Variants in HPD observed in about 807,000 individuals in gnomAD.
The protein encoded by HPD is 4-hydroxyphenylpyruvic acid oxidase.
In HPD, 35 loss-of-function variants were observed where a neutral mutation model predicts 56.9. The ratio of observed to expected loss-of-function variants is 0.62; its 90% CI spans 0.47 to 0.82. The LOEUF (loss-of-function observed/expected upper bound fraction) is 0.82. HPD is among the 40% of genes least tolerant of loss of function. The probability of loss-of-function intolerance (pLI) is 0.00; values close to 1 mark genes in which losing one functional copy is unlikely to be tolerated. For missense variants in HPD, 442 were observed against 506.8 expected, an observed-to-expected ratio of 0.87 and a Z score of 1.23; for synonymous variants, 186 against 200.2, an observed-to-expected ratio of 0.93 and a Z score of 0.60.
chr12:121,858,289 T>C (rs1878078092), intron 2 of HPD, among the ~76,000 whole-genome samples: 1 of 152,024 alleles, frequency 6.6e-6, no homozygotes, highest in Non-Finnish European at 1.5e-5. Flanking sequence ...GTTCAAGTGA[T>C]CTCCCCCACC....
chr12:121,860,463 G>A (rs1444672824), upstream of HPD, among the ~76,000 whole-genome samples: 1 of 152,216 alleles, frequency 6.6e-6, no homozygotes, highest in Non-Finnish European at 1.5e-5. Context: ...CCCCAACACT[G>A]TAGGTCTCAG....
chr12:121,848,957 G>A, intron 9 of HPD, 42 bp downstream of exon 9: 3 of 1,441,738 alleles, frequency 2.1e-6, no homozygotes, highest in South Asian at 1.1e-5. Flanking sequence ...CCACCGTGAG[G>A]ACCCGTCATC....
At position 121,849,767 on chromosome 12, in the gene HPD, C is replaced by G. The variant is rs771953439; in HGVS notation, c.438G>C (p.Leu146=). The part of the protein sequence containing the change: ...LQTYGDTTHT[L]VEKMNYIGQF... ...GGCCGATGTAGTTCATCTTCTCCACCAGGGTGTGTGTGGTGTCCCCATACT... is the reference window on the plus strand; with the variant it reads ...GGCCGATGTAGTTCATCTTCTCCACGAGGGTGTGTGTGGTGTCCCCATACT... Residue 146 remains leucine, a synonymous_variant, in exon 8 of 14, where the codon CTG becomes CTC. Transcript: ENST00000289004. 1.2e-6 allele frequency: 2 copies of G among 1,613,778 alleles called. No homozygotes were observed. Among genetic ancestry groups the G allele is most frequent in the Non-Finnish European group, 1.7e-6 (2 of 1,179,848 alleles).
At chr12:121,856,745 TG>T in intron 4 of HPD, 120 bp from the exon 5 acceptor site, 1 of 912,324 alleles carries the variant, frequency 1.1e-6, no homozygotes, top group Admixed American at 2.0e-5. Context: ...CTCCTGGACC[TG>T]GGTTCTAGCT....
chr12:121,848,854 C>T, intron 9 of HPD, 145 bp downstream of exon 9: 1 of 747,152 alleles, frequency 1.3e-6, no homozygotes, highest in Non-Finnish European at 2.4e-6. Flanking sequence ...GATCCTCCCA[C>T]CTCGGCTTCC....
At chr12:121,884,478 T>A in the HPD span, among the ~76,000 whole-genome samples, 406 of 152,090 alleles carry the variant, frequency 2.7e-3, 1 homozygote, top group African/African-American at 9.2e-3. Context: ...CTAATTAATT[T>A]TTTTTTTTGT....
At chr12:121,878,020 G>A in the HPD span, among the ~76,000 whole-genome samples, 3 of 152,128 alleles carry the variant, frequency 2.0e-5, no homozygotes, top group Non-Finnish European at 2.9e-5. Flanking sequence ...CGGGCTCTGC[G>A]GGGAGGGAGG....
the HPD span, among the ~76,000 whole-genome samples, chr12:121,871,198 C>T: frequency 3.6e-4 from 55 of 151,328 alleles, no homozygotes; most frequent in African/African-American, 1.2e-3. Context: ...CCCATTTCTA[C>T]AAAAAAAAAC....
upstream of HPD, among the ~76,000 whole-genome samples, chr12:121,862,942 A>C (rs1457194736): frequency 1.3e-5 from 2 of 150,550 alleles, no homozygotes; most frequent in Non-Finnish European, 3.0e-5. Flanking sequence ...GGCCTCCCAA[A>C]GTGCCGGGAT....
At chr12:121,877,565 T>G in the HPD span, among the ~76,000 whole-genome samples, 1 of 152,128 alleles carries the variant, frequency 6.6e-6, no homozygotes, top group South Asian at 2.1e-4. Context: ...GACCCCCATC[T>G]CTACTAAAAA....
chr12:121,839,977 G>A lies in HPD; in HGVS notation c.1026C>T (p.Asp342=). ...TGACTTCCAGGAAGAGCGTGGGCCG[G>A]TCCTGCACCGGTTTGGTGAAGATCT... ...LLQIFTKPVQ[D]RPTLFLEVIQ... The change falls in exon 13 of 14, where the codon GAC becomes GAT. Residue 342 remains aspartate (D), a synonymous_variant. Transcript: ENST00000289004. 2 of 1,614,052 alleles carry A rather than the reference G, an allele frequency of 1.2e-6. No homozygotes were observed. The highest frequency in any genetic ancestry group is 1.1e-5 in the South Asian group (1 of 91,074).
At chr12:121,863,758 C>T (rs1360529606), upstream of HPD, among the ~76,000 whole-genome samples, 1 of 149,424 alleles carries the variant, frequency 6.7e-6, no homozygotes, top group African/African-American at 2.5e-5. Flanking sequence ...TCAGCCTGGG[C>T]AGCAGAATGA....
At chr12:121,849,555 A>C (rs1877694655) in intron 8 of HPD, 132 bp downstream of exon 8, 1 of 694,942 alleles carries the variant, frequency 1.4e-6, no homozygotes, top group African/African-American at 1.8e-5. Context: ...AGCACCCCTG[A>C]GGACTTCCAG....
chr12:121,840,023 T>C lies in HPD; in HGVS notation c.980A>G (p.Asp327Gly), dbSNP rs757690395. 2 of 1,613,456 alleles carry C rather than the reference T, an allele frequency of 1.2e-6. No individual in the cohort carries two copies. The highest frequency in any genetic ancestry group is 2.2e-5 in the South Asian group (2 of 91,052). ...GATCTGCAGGAGGTAGCCTTTCTCG[T>C]CGTAGTCCACCAGGATTTTCAGCTC... ...LEELKILVDY[D>G]EKGYLLQIFT... is the part of the protein sequence containing the mutation. The change falls in exon 13 of 14, where the codon GAC becomes GGC. Residue 327 changes from aspartate to glycine, a missense_variant. Transcript: ENST00000289004.
chr12:121,877,094 CAAA>C, the HPD span, among the ~76,000 whole-genome samples: 10,316 of 117,658 alleles, frequency 0.088, 464 homozygotes, highest in South Asian at 0.18. Flanking sequence ...ACTCCATCTC[CAAA>C]AAAAAAAAAA....
At chr12:121,849,186 AT>A (rs1272650103) in intron 8 of HPD, 110 bp from the exon 9 acceptor site, 2 of 729,700 alleles carry the variant, frequency 2.7e-6, no homozygotes, top group Non-Finnish European at 5.0e-6. Context: ...TTGGAGTTCT[AT>A]TTTTTTGTAG....
At chr12:121,856,255 C>A (rs958819984) in intron 6 of HPD, 69 bp downstream of exon 6, 2 of 1,199,350 alleles carry the variant, frequency 1.7e-6, no homozygotes, top group African/African-American at 1.5e-5. Flanking sequence ...GTCCTTCCAG[C>A]CCTGACTGAT....
chr12:121,840,077 G>T lies in HPD; in HGVS notation c.955-29C>A, dbSNP rs759430802. 2.8e-6 allele frequency: 4 copies of T among 1,451,158 alleles called. No individual in the cohort carries two copies. In the South Asian group the frequency reaches 4.6e-5, roughly 17 times the overall value. The allele number at this position is 1,451,158 out of a possible 1,614,324, so 89.9% of individuals were successfully genotyped here. A position where few individuals can be genotyped will look rare whatever the true frequency, so the allele number is the denominator to read the frequency against. On this transcript the variant is annotated intron_variant, in intron 12 of 13. Transcript: ENST00000289004. ...GGCGGGAGACAGGGGGCTCTGCTAGGGGAGGCTGGCACGGTGAGATCCTTG... is the reference window on the plus strand; with the variant it reads ...GGCGGGAGACAGGGGGCTCTGCTAGTGGAGGCTGGCACGGTGAGATCCTTG...
At chr12:121,887,220 T>TTA in the HPD span, among the ~76,000 whole-genome samples, 3 of 145,422 alleles carry the variant, frequency 2.1e-5, no homozygotes, top group Middle Eastern at 3.3e-3. Context: ...TAATTATTAT[T>TTA]TTTTTTTTTT....
Sources: allele counts gnomAD v4.1 joint callset (sites outside exome capture counted in the v4.1 genomes callset), GRCh38; gene constraint gnomAD v4.1.1; transcripts MANE v1.5; gene names NCBI Gene and HGNC (gene_info 2026-07-23, HGNC 2026-07-21).